The following ARPC5L variants were observed in gnomAD, a reference collection of about 807,000 sequenced individuals.
The protein encoded by ARPC5L is actin related protein 2/3 complex subunit 5 like.
Under a neutral mutation model 16.9 loss-of-function variants are expected in ARPC5L, and 4 were observed. That is an observed-to-expected ratio of 0.24 (90% CI 0.12 to 0.54). The LOEUF is 0.54. ARPC5L is among the 20% of genes least tolerant of loss of function. The probability of loss-of-function intolerance (pLI) is 0.95; values close to 1 mark genes in which losing one functional copy is unlikely to be tolerated. For missense variants in ARPC5L, 151 were observed against 201.9 expected (o/e 0.75, Z 1.53); for synonymous variants, 78 against 82.6 (o/e 0.94, Z 0.30).
chr9:124,874,680 C>CCTCCCTCCCTCT (rs1829406646), intron 4 of ARPC5L, among the ~76,000 whole-genome samples: 1 of 150,838 alleles, frequency 6.6e-6, no homozygotes, highest in Non-Finnish European at 1.5e-5. Flanking sequence ...AGACCCTGCC[C>CCTCCCTCCCTCT]CTCCCTCCCT....
At chr9:124,866,547 C>T (rs1327690379) in intron 2 of ARPC5L, among the ~76,000 whole-genome samples, 4 of 152,034 alleles carry the variant, frequency 2.6e-5, no homozygotes, top group Non-Finnish European at 5.9e-5. Flanking sequence ...CATGGAGAAA[C>T]CCCGTTTCTA....
chr9:124,870,482 T>C (rs1184788044), intron 3 of ARPC5L, among the ~76,000 whole-genome samples: 2 of 152,088 alleles, frequency 1.3e-5, no homozygotes, highest in African/African-American at 2.4e-5. Flanking sequence ...ACCAGTTGAC[T>C]CAGCTTGGAA....
At chr9:124,867,490 G>GT (rs534635683) in intron 2 of ARPC5L, among the ~76,000 whole-genome samples, 5 of 151,916 alleles carry the variant, frequency 3.3e-5, no homozygotes, top group East Asian at 1.9e-4. Flanking sequence ...GCACTGCATG[G>GT]TTTTTTTCCC....
Position 124,869,267 on chromosome 9 carries a change from C to T in ARPC5L, c.-24C>T. 1 of 1,507,876 alleles carries T rather than the reference C, an allele frequency of 6.6e-7. No homozygotes were observed. Among genetic ancestry groups the T allele is most frequent in the Non-Finnish European group, 8.9e-7 (1 of 1,129,064 alleles). The allele number at this position is 1,507,876 out of a possible 1,614,324, so 93.4% of individuals were successfully genotyped here. A position where few individuals can be genotyped will look rare whatever the true frequency, so the allele number is the denominator to read the frequency against. The stretch of plus-strand genomic sequence containing the variant: ...GAGGTCGGGCCGCGAGCGGAGCCGG[C>T]TGAGCGGGCGCCGAGCTCCCGCCAT... On this transcript the variant is annotated 5_prime_UTR_variant, in exon 3 of 6. Transcript: ENST00000353214.
chr9:124,869,185 C>T lies in ARPC5L; in HGVS notation c.-106C>T. ...GAGGCGGTGGAGGAGGTGCTGGGAGCAGCCGGGCAGCCGCTTCCCGCCCCC... is the reference window on the plus strand; with the variant it reads ...GAGGCGGTGGAGGAGGTGCTGGGAGTAGCCGGGCAGCCGCTTCCCGCCCCC... On this transcript the variant is annotated 5_prime_UTR_variant, in exon 3 of 6. Coordinates refer to ENST00000353214, the MANE Select transcript of ARPC5L (RefSeq NM_030978.3). 1 of 1,264,292 alleles carries T rather than the reference C, an allele frequency of 7.9e-7. No individual in the cohort carries two copies. Among genetic ancestry groups the T allele is most frequent in the African/African-American group, 1.6e-5 (1 of 63,222 alleles). 78.3% of individuals were successfully genotyped at this position (1,264,292 alleles called of 1,614,324 possible). A position where few individuals can be genotyped will look rare whatever the true frequency, so the allele number is the denominator to read the frequency against.
Position 124,869,172 on chromosome 9 carries a change from G to GAGGTGCTGGGAGC in ARPC5L, c.-116_-104dup. ...GCGGCTGCGCGCGGAGGCGGTGGAGGAGGTGCTGGGAGCAGCCGGGCAGCC... is the reference window on the plus strand; with the variant it reads ...GCGGCTGCGCGCGGAGGCGGTGGAGGAGGTGCTGGGAGCAGGTGCTGGGAGCAGCCGGGCAGCC... On this transcript the variant is annotated 5_prime_UTR_variant, in exon 3 of 6. Coordinates refer to ENST00000353214, the MANE Select transcript of ARPC5L (RefSeq NM_030978.3). The GAGGTGCTGGGAGC allele has an allele frequency of 8.9e-7, 1 of 1,129,340 alleles. No individual in the cohort carries two copies. The highest frequency in any genetic ancestry group is 1.1e-6 in the Non-Finnish European group (1 of 873,718). The allele number at this position is 1,129,340 out of a possible 1,614,324, so 70.0% of individuals were successfully genotyped here.
rs1201340051 is a variant in ARPC5L, at chr9:124,868,876, A to G, written c.-415A>G. ...GCCTTCCCCAGTACCGGCAGGGATC[A>G]CCCCGGGAGCACGCGCCCGGCCCCG... On this transcript the variant is annotated 5_prime_UTR_variant, in exon 3 of 6. Coordinates refer to ENST00000353214, the MANE Select transcript of ARPC5L (RefSeq NM_030978.3). 3.1e-5 allele frequency: 5 copies of G among 163,098 alleles called. No individual in the cohort carries two copies. Among genetic ancestry groups the G allele is most frequent in the Non-Finnish European group, 6.6e-5 (5 of 75,724 alleles). The allele number at this position is 163,098 out of a possible 1,614,324, so 10.1% of individuals were successfully genotyped here. A position where few individuals can be genotyped will look rare whatever the true frequency, so the allele number is the denominator to read the frequency against.
intron 3 of ARPC5L, among the ~76,000 whole-genome samples, chr9:124,871,554 G>C (rs60035682): frequency 6.6e-6 from 1 of 152,314 alleles, no homozygotes; most frequent in East Asian, 1.9e-4. Context: ...TGTTCTCTGA[G>C]CCTCAATTCC....
In ARPC5L at chr9:124,869,142, CGGCGGCGGCTGCGCGCG is replaced by C; in HGVS notation, c.-147_-131del. On this transcript the variant is annotated 5_prime_UTR_variant, in exon 3 of 6. Transcript: ENST00000353214. ...CCGGCGGGTGCCGGAAGTGGGCGGG[CGGCGGCGGCTGCGCGCG>C]GAGGCGGTGGAGGAGGTGCTGGGAG... 2 of 931,892 alleles carry C rather than the reference CGGCGGCGGCTGCGCGCG, an allele frequency of 2.1e-6. No individual in the cohort carries two copies. The highest frequency in any genetic ancestry group is 2.8e-6 in the Non-Finnish European group (2 of 707,636). The allele number at this position is 931,892 out of a possible 1,614,324, so 57.7% of individuals were successfully genotyped here.
At chr9:124,872,135 T>C (rs1247909948) in intron 3 of ARPC5L, among the ~76,000 whole-genome samples, 1 of 152,138 alleles carries the variant, frequency 6.6e-6, no homozygotes, top group Non-Finnish European at 1.5e-5. Flanking sequence ...GCCACAGCAG[T>C]AGCTTTTTGC....
At chr9:124,875,892 G>A (rs1365905440) in intron 5 of ARPC5L, among the ~76,000 whole-genome samples, 2 of 152,228 alleles carry the variant, frequency 1.3e-5, no homozygotes, top group African/African-American at 2.4e-5. Flanking sequence ...CAGTCCTTAA[G>A]GTGGTGTGGG....
chr9:124,870,306 C>G (rs542167383), intron 3 of ARPC5L, among the ~76,000 whole-genome samples: 1 of 152,320 alleles, frequency 6.6e-6, no homozygotes, highest in Non-Finnish European at 1.5e-5. Flanking sequence ...ATTGTCACAG[C>G]CTTGCTTGGT....
At chr9:124,871,243 A>C (rs1436512046) in intron 3 of ARPC5L, among the ~76,000 whole-genome samples, 1 of 152,150 alleles carries the variant, frequency 6.6e-6, no homozygotes, top group Non-Finnish European at 1.5e-5. Context: ...GATGGAGTAG[A>C]AGGAACCCGG....
rs1335944195 is a variant in ARPC5L at position 124,875,088 on chromosome 9, T to C, written c.336T>C (p.Ile112=). 6.2e-7 allele frequency: 1 copy of C among 1,614,134 alleles called. No individual in the cohort carries two copies. Among genetic ancestry groups the C allele is most frequent in the Admixed American group, 1.7e-5 (1 of 60,020 alleles). Residue 112 remains isoleucine (I), a synonymous_variant, in exon 5 of 6, where the codon ATT becomes ATC. Transcript: ENST00000353214. Reference sequence around the variant, plus strand: ...GCGTTGACTTGTTAATGAAGTACATTTATAAAGGCTTTGAGAAGCCCACAG... The same window carrying C: ...GCGTTGACTTGTTAATGAAGTACATCTATAAAGGCTTTGAGAAGCCCACAG... ...RNGVDLLMKY[I]YKGFEKPTEN...
Position 124,873,723 on chromosome 9 carries a change from T to C in ARPC5L, c.181T>C (p.Leu61=), listed in dbSNP as rs761226596. 1.6e-5 allele frequency: 26 copies of C among 1,614,190 alleles called. No homozygotes were observed. The highest frequency in any genetic ancestry group is 2.2e-5 in the Non-Finnish European group (26 of 1,180,030). ...CATGCTTCGGGCATTCCATGCAGCC[T>C]TGCGGAACTCTCCCGTCAACACCAA... The part of the protein sequence containing the change: ...GDMLRAFHAA[L]RNSPVNTKNQ... The change falls in exon 4 of 6, where the codon TTG becomes CTG. Residue 61 remains leucine, a synonymous_variant. Coordinates refer to ENST00000353214, the MANE Select transcript of ARPC5L (RefSeq NM_030978.3).
Position 124,869,259 on chromosome 9 carries a change from G to A in ARPC5L, c.-32G>A, listed in dbSNP as rs577811416. 261 of 1,495,920 alleles carry A rather than the reference G, an allele frequency of 1.7e-4. 1 individual carries two copies. The South Asian group carries it at 2.9e-3, about 17-fold the overall frequency. 92.7% of individuals were successfully genotyped at this position (1,495,920 alleles called of 1,614,324 possible). ...GCAGAGCCGAGGTCGGGCCGCGAGC[G>A]GAGCCGGCTGAGCGGGCGCCGAGCT... On this transcript the variant is annotated 5_prime_UTR_variant, in exon 3 of 6. Transcript: ENST00000353214.
chr9:124,873,853 A>G, intron 4 of ARPC5L, 89 bp downstream of exon 4: 2 of 1,510,652 alleles, frequency 1.3e-6, no homozygotes, highest in African/African-American at 1.4e-5. Flanking sequence ...TTTCATCCAC[A>G]TCAGAGGGAG....
chr9:124,874,713 C>T (rs1564313366), intron 4 of ARPC5L, among the ~76,000 whole-genome samples: 1 of 151,650 alleles, frequency 6.6e-6, no homozygotes, highest in Non-Finnish European at 1.5e-5. Context: ...TCTCTTCTCT[C>T]TCTCTCTCTC....
chr9:124,865,511 C>G (rs141804723), intron 2 of ARPC5L, among the ~76,000 whole-genome samples: 1 of 151,970 alleles, frequency 6.6e-6, no homozygotes, highest in Non-Finnish European at 1.5e-5. Flanking sequence ...AACTTAAGGC[C>G]GGGTGAGGTG....
Sources: allele counts gnomAD v4.1 joint callset (sites outside exome capture counted in the v4.1 genomes callset), GRCh38; gene constraint gnomAD v4.1.1; transcripts MANE v1.5; gene names NCBI Gene and HGNC (gene_info 2026-07-23, HGNC 2026-07-21).